Variants in GLCE observed in about 807,000 individuals in gnomAD.
GLCE encodes the protein D-glucuronyl C5-epimerase.
GLCE carries 19 observed loss-of-function variants against 47.9 expected under a neutral mutation model. The ratio of observed to expected loss-of-function variants is 0.40; its 90% CI spans 0.28 to 0.58. The LOEUF is 0.58. Among genes scored for constraint, GLCE ranks in the 20% least tolerant of loss-of-function variants. The probability of loss-of-function intolerance (pLI) is 0.48; values close to 1 mark genes in which losing one functional copy is unlikely to be tolerated. For synonymous variants in GLCE, 245 were observed against 263.4 expected (o/e 0.93, Z 0.68); for missense variants, 556 against 743.3 (o/e 0.75, Z 2.93).
intron 2 of GLCE, among the ~76,000 whole-genome samples, chr15:69,253,332 C>T (rs1466609799): frequency 6.6e-6 from 1 of 152,226 alleles, no homozygotes; most frequent in African/African-American, 2.4e-5. Context: ...ACCCACTCAC[C>T]CTGTGGGAAC....
chr15:69,242,767 A>G (rs1338731774), intron 2 of GLCE, among the ~76,000 whole-genome samples: 1 of 152,078 alleles, frequency 6.6e-6, no homozygotes, highest in African/African-American at 2.4e-5. Context: ...AACTGGAACT[A>G]GGTGTGGTAG....
intron 2 of GLCE, among the ~76,000 whole-genome samples, chr15:69,245,893 T>C (rs1040293337): frequency 4.6e-5 from 7 of 152,002 alleles, no homozygotes; most frequent in East Asian, 1.9e-4. Context: ...CACGCCCGGC[T>C]AATTTTTATA....
intron 1 of GLCE, among the ~76,000 whole-genome samples, chr15:69,189,362 A>G (rs1010222939): frequency 6.6e-6 from 1 of 152,174 alleles, no homozygotes; most frequent in Non-Finnish European, 1.5e-5. Flanking sequence ...CTTTTCATGC[A>G]TGGCATGATT....
intron 2 of GLCE, among the ~76,000 whole-genome samples, chr15:69,218,464 A>G (rs912204598): frequency 2.0e-5 from 3 of 152,180 alleles, no homozygotes; most frequent in African/African-American, 7.2e-5. Context: ...CAGGGAGCCA[A>G]GATCAAGCCA....
chr15:69,187,351 G>A (rs1293046144), intron 1 of GLCE, among the ~76,000 whole-genome samples: 1 of 152,040 alleles, frequency 6.6e-6, no homozygotes, highest in Non-Finnish European at 1.5e-5. Flanking sequence ...GGATACTAAT[G>A]TATGTTGACT....
chr15:69,267,138 C>G (rs768198465), intron 4 of GLCE, among the ~76,000 whole-genome samples: 29 of 152,284 alleles, frequency 1.9e-4, no homozygotes, highest in Middle Eastern at 3.4e-3. Context: ...TGTCATCTTT[C>G]TGGGAATTAG....
At chr15:69,193,998 C>T (rs969171661) in intron 1 of GLCE, among the ~76,000 whole-genome samples, 2 of 152,060 alleles carry the variant, frequency 1.3e-5, no homozygotes, top group Non-Finnish European at 2.9e-5. Context: ...TTAGTATTGG[C>T]TGAGAAATGA....
intron 2 of GLCE, among the ~76,000 whole-genome samples, chr15:69,218,615 A>G (rs1413800663): frequency 6.6e-6 from 1 of 152,244 alleles, no homozygotes; most frequent in Non-Finnish European, 1.5e-5. Context: ...CTTATGTTTA[A>G]TTAATAATTA....
chr15:69,176,616 A>G (rs2051669815), intron 1 of GLCE, among the ~76,000 whole-genome samples: 1 of 152,176 alleles, frequency 6.6e-6, no homozygotes, highest in Non-Finnish European at 1.5e-5. Flanking sequence ...CTTTAAGTAC[A>G]TATTTATAAC....
chr15:69,160,938 G>A lies in GLCE; in HGVS notation c.-105+181G>A, dbSNP rs1264417814. Among the ~76,000 whole-genome samples, 1 of 152,088 alleles carries A rather than the reference G, an allele frequency of 6.6e-6. No homozygotes were observed. The highest frequency in any genetic ancestry group is 2.4e-5 in the African/African-American group (1 of 41,430). ...GCGAGGAGGCGGTGCAGTGGGATCC[G>A]GGCGCGGGCGCCCAAGGGCGGTGTA... On this transcript the variant is annotated intron_variant, in intron 1 of 4. Coordinates refer to ENST00000261858, the MANE Select transcript of GLCE (RefSeq NM_015554.3). This position sits in a 1 kb window ranked among gnomAD's most constrained non-coding sequence, Gnocchi z 4.2.
At chr15:69,245,469 T>C (rs2052734082) in intron 2 of GLCE, among the ~76,000 whole-genome samples, 1 of 152,194 alleles carries the variant, frequency 6.6e-6, no homozygotes, top group Admixed American at 6.5e-5. Flanking sequence ...TGTTGATGGC[T>C]GCTAAATGCT....
At chr15:69,248,889 G>T (rs2052795356) in intron 2 of GLCE, among the ~76,000 whole-genome samples, 1 of 152,198 alleles carries the variant, frequency 6.6e-6, no homozygotes, top group South Asian at 2.1e-4. Context: ...ACAGGCATGA[G>T]CCAAGCTAGG....
In GLCE at chr15:69,272,166, G is replaced by A. The variant is rs1374529719; in HGVS notation, c.*2922G>A. The A allele has an allele frequency of 1.3e-5, 2 of 152,542 alleles. No homozygotes were observed. The highest frequency in any genetic ancestry group is 6.5e-5 in the Admixed American group (1 of 15,272). The allele number at this position is 152,542 out of a possible 1,614,324, so 9.4% of individuals were successfully genotyped here. On this transcript the variant is annotated 3_prime_UTR_variant, in exon 5 of 5. Coordinates refer to ENST00000261858, the MANE Select transcript of GLCE (RefSeq NM_015554.3). ...GATTGTTTGTGCTTAATGTAAAGCC[G>A]CTTTATAAAACTGTAAAATAAAGTT...
At chr15:69,189,916 A>G (rs549351728) in intron 1 of GLCE, among the ~76,000 whole-genome samples, 62 of 151,888 alleles carry the variant, frequency 4.1e-4, no homozygotes, top group African/African-American at 1.5e-3. Context: ...TTATTTTGTC[A>G]CTCAGGTATT....
chr15:69,185,831 C>T (rs1487559970), intron 1 of GLCE, among the ~76,000 whole-genome samples: 2 of 152,096 alleles, frequency 1.3e-5, no homozygotes, highest in African/African-American at 2.4e-5. Flanking sequence ...ATACCAGTCA[C>T]AAGTCCGGGC....
chr15:69,193,384 G>A (rs2051941382), intron 1 of GLCE, among the ~76,000 whole-genome samples: 1 of 151,978 alleles, frequency 6.6e-6, no homozygotes, highest in South Asian at 2.1e-4. Context: ...TTCAGAAGTG[G>A]AAATCTCCCT....
At chr15:69,188,050 C>T (rs901159239) in intron 1 of GLCE, among the ~76,000 whole-genome samples, 6 of 151,616 alleles carry the variant, frequency 4.0e-5, no homozygotes, top group African/African-American at 1.2e-4. Context: ...GGTGACAGAG[C>T]GAGACTCCAT....
At chr15:69,174,242 A>C (rs1302217090) in intron 1 of GLCE, among the ~76,000 whole-genome samples, 2 of 152,222 alleles carry the variant, frequency 1.3e-5, no homozygotes, top group African/African-American at 4.8e-5. Context: ...GACTAATTGA[A>C]GTTGCTTTTA....
chr15:69,197,261 A>G (rs1474805250), intron 1 of GLCE: 2 of 371,212 alleles, frequency 5.4e-6, no homozygotes, highest in African/African-American at 4.2e-5. Context: ...ACTGACTACC[A>G]CTTCTTCAAG....
Sources: gnomAD v4.1 joint callset for allele counts (sites outside exome capture counted in the v4.1 genomes callset) on GRCh38, gnomAD v4.1.1 for gene constraint, Gnocchi (gnomAD v3.1) non-coding constraint, MANE v1.5 for transcripts, NCBI Gene and HGNC (gene_info 2026-07-23, HGNC 2026-07-21) for gene names.